AGBL4: variants seen among roughly 807,000 people sequenced by gnomAD.
AGBL4 encodes the protein AGBL carboxypeptidase 4.
Under a neutral mutation model 66.4 loss-of-function variants are expected in AGBL4, and 58 were observed. The ratio of observed to expected loss-of-function variants is 0.87; its 90% CI spans 0.71 to 1.09. The LOEUF (loss-of-function observed/expected upper bound fraction) is 1.09, where lower values mean the gene tolerates loss of function less well. Among genes scored for constraint, AGBL4 ranks in the 50% least tolerant of loss-of-function variants. The pLI, the probability that AGBL4 is intolerant of heterozygous loss-of-function variation, is 0.00. For missense variants in AGBL4, 579 were observed against 631.0 expected, an observed-to-expected ratio of 0.92 and a Z score of 0.88; for synonymous variants, 234 against 222.9, an observed-to-expected ratio of 1.05 and a Z score of -0.44.
chr1:49,645,743 C>T (rs780298399), intron 3 of AGBL4, among the ~76,000 whole-genome samples: 1 of 146,746 alleles, frequency 6.8e-6, no homozygotes, highest in Non-Finnish European at 1.5e-5. Context: ...TCATATACCC[C>T]AATACCCCTC....
intron 2 of AGBL4, among the ~76,000 whole-genome samples, chr1:49,739,189 G>A (rs930529732): frequency 6.6e-6 from 1 of 152,100 alleles, no homozygotes; most frequent in Non-Finnish European, 1.5e-5. Flanking sequence ...ACTAGAATAA[G>A]CAATACAGAG....
intron 3 of AGBL4, among the ~76,000 whole-genome samples, chr1:49,401,937 T>C (rs1645094952): frequency 2.0e-5 from 3 of 152,206 alleles, no homozygotes; most frequent in African/African-American, 7.2e-5. Context: ...TTTATTCATT[T>C]CTTCTACATT....
At chr1:49,494,774 C>A (rs1229310174) in intron 3 of AGBL4, among the ~76,000 whole-genome samples, 1 of 151,916 alleles carries the variant, frequency 6.6e-6, no homozygotes, top group Non-Finnish European at 1.5e-5. Flanking sequence ...ATTTATAGTC[C>A]TTTGGGTATA....
chr1:49,523,827 T>A (rs1218851161), intron 3 of AGBL4, among the ~76,000 whole-genome samples: 2 of 152,186 alleles, frequency 1.3e-5, no homozygotes, highest in East Asian at 3.9e-4. Flanking sequence ...TAAACTCACA[T>A]ATAAGTTCTA....
At chr1:49,376,245 A>G (rs979367946) in intron 3 of AGBL4, among the ~76,000 whole-genome samples, 3 of 151,954 alleles carry the variant, frequency 2.0e-5, no homozygotes. Context: ...TTAGTTGTTC[A>G]CTGCCCTTCC....
At chr1:48,645,348 T>C (rs1645818622) in intron 8 of AGBL4, among the ~76,000 whole-genome samples, 1 of 152,170 alleles carries the variant, frequency 6.6e-6, no homozygotes, top group Non-Finnish European at 1.5e-5. Context: ...TCTCTGTGGC[T>C]TGGTTTCTTC....
intron 3 of AGBL4, among the ~76,000 whole-genome samples, chr1:49,638,562 G>A (rs1468408418): frequency 6.6e-6 from 1 of 152,166 alleles, no homozygotes. Flanking sequence ...TCATGGGATG[G>A]ATCTGGTGAG....
chr1:49,404,028 C>A (rs1645143510), intron 3 of AGBL4, among the ~76,000 whole-genome samples: 1 of 152,122 alleles, frequency 6.6e-6, no homozygotes. Context: ...AAAATCATTT[C>A]TTGCAGAAAG....
rs1645965897 is a variant in AGBL4 at position 48,653,432 on chromosome 1, T to C, written c.744A>G (p.Val248=). The part of the protein sequence containing the change: ...FVCQGIIDFL[V]SQHPIACVLR... ...GGACACAGGCAATAGGGTGCTGGCT[T>C]ACAAGGAAGTCAATGATCCCTAGGG... Residue 248 remains valine (V), a synonymous_variant, in exon 8 of 14, where the codon GTA becomes GTG. Coordinates refer to ENST00000371839, the MANE Select transcript of AGBL4 (RefSeq NM_032785.4). 6.3e-7 allele frequency: 1 copy of C among 1,580,830 alleles called. No homozygotes were observed. The highest frequency in any genetic ancestry group is 8.6e-7 in the Non-Finnish European group (1 of 1,162,456).
intron 3 of AGBL4, among the ~76,000 whole-genome samples, chr1:49,422,027 A>T (rs146487926): frequency 3.4e-4 from 51 of 152,236 alleles, no homozygotes; most frequent in Admixed American, 3.0e-3. Flanking sequence ...CTGAGCCAAA[A>T]ACTTTATTTC....
At chr1:49,472,705 G>A (rs150953836) in intron 3 of AGBL4, among the ~76,000 whole-genome samples, 3 of 152,026 alleles carry the variant, frequency 2.0e-5, no homozygotes, top group African/African-American at 7.2e-5. Flanking sequence ...TACATGTGCA[G>A]GTTTGTTACA....
intron 2 of AGBL4, among the ~76,000 whole-genome samples, chr1:49,770,743 G>A (rs1265618634): frequency 6.6e-6 from 1 of 151,966 alleles, no homozygotes; most frequent in Non-Finnish European, 1.5e-5. Flanking sequence ...AACGTGCTAT[G>A]TTGTATGTAT....
In AGBL4 at chr1:49,697,457, G is replaced by A; in HGVS notation, c.158-20C>T. The stretch of plus-strand genomic sequence containing the variant: ...GGTTACCTGGTAATAAAAATTAAGA[G>A]AATTGGATTTTAATAGAAGTTCATG... On this transcript the variant is annotated intron_variant, in intron 2 of 13. Coordinates refer to ENST00000371839, the MANE Select transcript of AGBL4 (RefSeq NM_032785.4). 6.7e-7 allele frequency: 1 copy of A among 1,489,242 alleles called. No homozygotes were observed. 92.3% of individuals were successfully genotyped at this position (1,489,242 alleles called of 1,614,324 possible).
At chr1:49,494,888 C>T (rs957616599) in intron 3 of AGBL4, among the ~76,000 whole-genome samples, 4 of 152,000 alleles carry the variant, frequency 2.6e-5, no homozygotes, top group African/African-American at 9.7e-5. Context: ...TACAGTCCCA[C>T]CAACAGTGTA....
intron 5 of AGBL4, among the ~76,000 whole-genome samples, chr1:48,950,173 T>C (rs937585603): frequency 6.6e-6 from 1 of 151,382 alleles, no homozygotes; most frequent in African/African-American, 2.4e-5. Context: ...CTCGGCTCAC[T>C]GCAACCTCCG....
chr1:48,897,360 C>A (rs1651619918), intron 5 of AGBL4, among the ~76,000 whole-genome samples: 1 of 152,170 alleles, frequency 6.6e-6, no homozygotes, highest in Non-Finnish European at 1.5e-5. Flanking sequence ...ATATGTACCA[C>A]ACTTTATCCA....
At position 48,736,414 on chromosome 1, in the gene AGBL4, T is replaced by C. The variant is rs752433510; in HGVS notation, c.635-73173A>G. 4 of 1,614,130 alleles carry C rather than the reference T, an allele frequency of 2.5e-6. No homozygotes were observed. ...CTTGGGTTACTTGTAGCTGGTGCCA[T>C]TTCTCCTCATCAACCCAAATCCCGC... On this transcript the variant is annotated intron_variant, in intron 6 of 13. Coordinates refer to ENST00000371839, the MANE Select transcript of AGBL4 (RefSeq NM_032785.4). The surrounding 1 kb of genome is among the most constrained non-coding windows in gnomAD (Gnocchi z 4.0).
At chr1:49,231,578 G>A (rs151030399) in intron 4 of AGBL4, among the ~76,000 whole-genome samples, 16 of 152,218 alleles carry the variant, frequency 1.1e-4, no homozygotes, top group Middle Eastern at 3.4e-3. Context: ...GTATTTAAGT[G>A]GTGTCACCAG....
intron 1 of AGBL4, among the ~76,000 whole-genome samples, chr1:50,000,112 A>G (rs1428466064): frequency 1.3e-5 from 2 of 152,220 alleles, no homozygotes; most frequent in Admixed American, 6.5e-5. Flanking sequence ...CAGCAAAAGA[A>G]ATAATCAGCA....
Sources: allele counts gnomAD v4.1 joint callset (sites outside exome capture counted in the v4.1 genomes callset), GRCh38; gene constraint gnomAD v4.1.1; non-coding constraint Gnocchi (gnomAD v3.1); transcripts MANE v1.5; gene names NCBI Gene and HGNC (gene_info 2026-07-23, HGNC 2026-07-21).